SND1: variants seen among roughly 807,000 people sequenced by gnomAD.
SND1 encodes staphylococcal nuclease and tudor domain containing 1, also known as staphylococcal nuclease domain-containing protein 1.
A neutral mutation model predicts 121.7 loss-of-function variants in SND1; 38 were observed. The ratio of observed to expected loss-of-function variants is 0.31; its 90% CI spans 0.24 to 0.41. The LOEUF is 0.41. Among genes scored for constraint, SND1 ranks in the 10% least tolerant of loss-of-function variants. SND1 has a pLI of 1.00. For synonymous variants in SND1, 401 were observed against 447.4 expected (o/e 0.90, Z 1.31); for missense variants, 868 against 1,184.6 (o/e 0.73, Z 3.92).
chr7:127,920,849 T>C (rs1346195395), intron 14 of SND1, among the ~76,000 whole-genome samples: 1 of 126,350 alleles, frequency 7.9e-6, no homozygotes, highest in Non-Finnish European at 1.8e-5. Context: ...TGTGCCTAAC[T>C]TATCTTAACA....
intron 18 of SND1, chr7:128,081,952 G>A (rs775167803): frequency 1.9e-6 from 1 of 535,034 alleles, no homozygotes; most frequent in African/African-American, 1.9e-5. Flanking sequence ...CTCTGCTGGG[G>A]TTTCTCCTTC....
intron 11 of SND1, among the ~76,000 whole-genome samples, chr7:127,822,797 G>A (rs1017530395): frequency 1.3e-5 from 2 of 152,126 alleles, no homozygotes; most frequent in African/African-American, 4.8e-5. Context: ...TCTTCTACAT[G>A]AGGTACTTTA....
At chr7:127,910,318 C>T (rs184548358) in intron 14 of SND1, among the ~76,000 whole-genome samples, 5 of 152,112 alleles carry the variant, frequency 3.3e-5, no homozygotes, top group African/African-American at 1.2e-4. Context: ...GTCGCGGGCA[C>T]CTGTAATCCC....
chr7:128,042,446 C>T (rs959256136), intron 16 of SND1: 10 of 152,212 alleles, frequency 6.6e-5, no homozygotes, highest in Non-Finnish European at 1.0e-4. Flanking sequence ...AGGTGGTGCC[C>T]GTGTATGCAA....
At chr7:127,803,887 C>T (rs1296474273) in intron 10 of SND1, among the ~76,000 whole-genome samples, 1 of 152,204 alleles carries the variant, frequency 6.6e-6, no homozygotes, top group African/African-American at 2.4e-5. Flanking sequence ...TCTTCCATCT[C>T]TAATGTGAGT....
chr7:128,082,248 T>C (rs1333342902), intron 18 of SND1, among the ~76,000 whole-genome samples: 1 of 152,212 alleles, frequency 6.6e-6, no homozygotes, highest in Non-Finnish European at 1.5e-5. Flanking sequence ...ACAGTTGAGT[T>C]TGGAGCGGAA....
chr7:127,968,006 A>G (rs186844122), intron 15 of SND1, among the ~76,000 whole-genome samples: 3 of 152,308 alleles, frequency 2.0e-5, no homozygotes, highest in Admixed American at 2.0e-4. Flanking sequence ...TCTTACCTCC[A>G]TTTAACAAGT....
At chr7:128,091,927 G>A (rs191827793) in intron 23 of SND1, 46 bp downstream of exon 23, 5 of 1,613,832 alleles carry the variant, frequency 3.1e-6, no homozygotes, top group African/African-American at 2.7e-5. Context: ...GAGTTGAGGG[G>A]TTTGGCCCTC....
intron 14 of SND1, among the ~76,000 whole-genome samples, chr7:127,911,350 T>C (rs11768841): frequency 0.28 from 43,104 of 152,020 alleles, 7,665 homozygotes; most frequent in East Asian, 0.71. Context: ...TTTCTTTTCT[T>C]TTCTCTTATA....
intron 16 of SND1, among the ~76,000 whole-genome samples, chr7:128,056,594 A>C (rs1053191678): frequency 6.6e-6 from 1 of 152,208 alleles, no homozygotes; most frequent in African/African-American, 2.4e-5. Flanking sequence ...CACAAAGTCA[A>C]ATAGTTTTCT....
intron 10 of SND1, among the ~76,000 whole-genome samples, chr7:127,771,337 T>C (rs1354360075): frequency 6.6e-6 from 1 of 152,168 alleles, no homozygotes; most frequent in East Asian, 1.9e-4. Context: ...GTAAGTGACA[T>C]GAATGGGTGA....
chr7:127,836,729 T>TAG (rs1798875031), intron 11 of SND1, among the ~76,000 whole-genome samples: 1 of 152,220 alleles, frequency 6.6e-6, no homozygotes, highest in Non-Finnish European at 1.5e-5. Flanking sequence ...AGTTATTTCT[T>TAG]AACCTGAGTT....
intron 16 of SND1, among the ~76,000 whole-genome samples, chr7:128,036,524 T>A (rs1301414042): frequency 2.0e-5 from 3 of 152,142 alleles, no homozygotes; most frequent in African/African-American, 7.2e-5. Flanking sequence ...GAGTGGACAA[T>A]AAAGGATAAA....
intron 16 of SND1, among the ~76,000 whole-genome samples, chr7:128,058,714 C>A (rs1248639987): frequency 6.6e-6 from 1 of 152,214 alleles, no homozygotes; most frequent in Non-Finnish European, 1.5e-5. Flanking sequence ...CATTCTGACT[C>A]TAGTTCAGCG....
chr7:127,889,638 G>A (rs1288175668), intron 13 of SND1, among the ~76,000 whole-genome samples: 2 of 139,554 alleles, frequency 1.4e-5, no homozygotes, highest in Non-Finnish European at 3.1e-5. Flanking sequence ...TTTTTTTTTT[G>A]TACCCATTAT....
intron 9 of SND1, among the ~76,000 whole-genome samples, chr7:127,716,836 A>G (rs954472234): frequency 2.6e-5 from 4 of 152,172 alleles, no homozygotes; most frequent in African/African-American, 9.7e-5. Flanking sequence ...ATATGGAGAG[A>G]ATCAAAAAAT....
At chr7:128,061,400 G>A (rs1793228859) in intron 16 of SND1, among the ~76,000 whole-genome samples, 1 of 152,186 alleles carries the variant, frequency 6.6e-6, no homozygotes, top group African/African-American at 2.4e-5. Context: ...CCCTGTCCTG[G>A]GCAGTGGGTA....
chr7:127,885,059 T>C (rs1799869060), intron 12 of SND1, among the ~76,000 whole-genome samples: 1 of 152,110 alleles, frequency 6.6e-6, no homozygotes, highest in Non-Finnish European at 1.5e-5. Context: ...CTCTGATACC[T>C]TGTATGAGTG....
chr7:127,997,632 A>AT (rs1386503900), intron 16 of SND1: 2 of 483,826 alleles, frequency 4.1e-6, no homozygotes, highest in Admixed American at 4.2e-5. Flanking sequence ...ATAACTCCCC[A>AT]TTGCCTCTGG....
Sources: allele counts gnomAD v4.1 joint callset (sites outside exome capture counted in the v4.1 genomes callset), GRCh38; gene constraint gnomAD v4.1.1; transcripts MANE v1.5; gene names NCBI Gene and HGNC (gene_info 2026-07-23, HGNC 2026-07-21).